The following OXR1 variants were observed in gnomAD, a reference collection of about 807,000 sequenced individuals.
OXR1 encodes the protein oxidation resistance protein 1.
A neutral mutation model predicts 104.6 loss-of-function variants in OXR1; 41 were observed. The observed-to-expected ratio is 0.39, with a 90% CI of 0.31 to 0.51. The LOEUF (loss-of-function observed/expected upper bound fraction) is 0.51. OXR1 is among the 20% of genes least tolerant of loss of function. The pLI is 0.77. For missense variants in OXR1, 955 were observed against 1,031.9 expected, an observed-to-expected ratio of 0.93 and a Z score of 1.02; for synonymous variants, 348 against 348.4, an observed-to-expected ratio of 1.00 and a Z score of 0.01.
At chr8:106,357,255 C>G (rs749363135) in intron 1 of OXR1, among the ~76,000 whole-genome samples, 1 of 151,250 alleles carries the variant, frequency 6.6e-6, no homozygotes, top group East Asian at 1.9e-4. Context: ...ACTGAACCCT[C>G]GATAAAAATG....
chr8:106,376,788 A>G (rs1309651685), intron 2 of OXR1, among the ~76,000 whole-genome samples: 1 of 152,170 alleles, frequency 6.6e-6, no homozygotes, highest in Non-Finnish European at 1.5e-5. Context: ...TCAGCTAATT[A>G]CTCAAACCAT....
chr8:106,594,237 G>T (rs1819341463), intron 3 of OXR1, among the ~76,000 whole-genome samples: 1 of 151,750 alleles, frequency 6.6e-6, no homozygotes, highest in South Asian at 2.1e-4. Context: ...TCTCTATTTT[G>T]GGAGCTGATT....
At chr8:106,396,128 G>A (rs1335136167) in intron 2 of OXR1, among the ~76,000 whole-genome samples, 1 of 151,844 alleles carries the variant, frequency 6.6e-6, no homozygotes, top group Non-Finnish European at 1.5e-5. Context: ...AATAGAGGGA[G>A]AACAGATAAA....
At chr8:106,531,780 G>T (rs183274575) in intron 3 of OXR1, among the ~76,000 whole-genome samples, 3 of 152,096 alleles carry the variant, frequency 2.0e-5, no homozygotes, top group African/African-American at 7.2e-5. Context: ...TGCTGTTTGG[G>T]GTACAAAGTT....
At chr8:106,606,927 T>G (rs1441022403) in intron 3 of OXR1, among the ~76,000 whole-genome samples, 1 of 152,200 alleles carries the variant, frequency 6.6e-6, no homozygotes, top group Non-Finnish European at 1.5e-5. Flanking sequence ...AGCCCTTCTC[T>G]GAATGGTTTT....
intron 11 of OXR1, among the ~76,000 whole-genome samples, chr8:106,728,951 C>T (rs1435004633): frequency 1.3e-5 from 2 of 152,020 alleles, no homozygotes; most frequent in Non-Finnish European, 2.9e-5. Context: ...TATATGAAAA[C>T]ACAGGAGAAA....
intron 1 of OXR1, among the ~76,000 whole-genome samples, chr8:106,326,815 T>C (rs1164367907): frequency 2.0e-5 from 3 of 152,170 alleles, no homozygotes; most frequent in Admixed American, 6.6e-5. Context: ...AGAGAGGTAG[T>C]AGGGAAGGGT....
At chr8:106,492,047 A>G (rs1368630310) in intron 2 of OXR1, among the ~76,000 whole-genome samples, 2 of 152,186 alleles carry the variant, frequency 1.3e-5, no homozygotes, top group Non-Finnish European at 1.5e-5. Context: ...TAAAATAAAT[A>G]CCTAACATTT....
chr8:106,292,493 T>C (rs1465847076), intron 1 of OXR1, among the ~76,000 whole-genome samples: 1 of 152,190 alleles, frequency 6.6e-6, no homozygotes, highest in African/African-American at 2.4e-5. Context: ...AATTTATGGA[T>C]GGAAACCATG....
At chr8:106,597,929 G>A (rs1025876199) in intron 3 of OXR1, among the ~76,000 whole-genome samples, 8 of 152,112 alleles carry the variant, frequency 5.3e-5, no homozygotes, top group Non-Finnish European at 8.8e-5. Flanking sequence ...CTTGCCTTTG[G>A]ACTTTTGCAC....
At position 106,365,431 on chromosome 8, in the gene OXR1, GAA is replaced by G. The variant is rs570644035; in HGVS notation, c.23+5806_23+5807del. 4.9e-3 allele frequency among the ~76,000 whole-genome samples: 568 copies of G among 116,158 alleles called. 2 individuals carry two copies. Among genetic ancestry groups the G allele is most frequent in the Non-Finnish European group, 8.0e-3 (426 of 52,958 alleles). The allele number at this position is 116,158 out of a possible 152,430, so 76.2% of individuals were successfully genotyped here. A position where few individuals can be genotyped will look rare whatever the true frequency, so the allele number is the denominator to read the frequency against. The stretch of plus-strand genomic sequence containing the variant: ...ATTAAGAGAAAATAACCTAGGAAGA[GAA>G]AAAAAAAAAAGAATAGAATAGCCAA... On this transcript the variant is annotated intron_variant, in intron 2 of 16. Transcript: ENST00000517566.
intron 11 of OXR1, among the ~76,000 whole-genome samples, chr8:106,736,501 C>T (rs1305937057): frequency 6.6e-6 from 1 of 152,154 alleles, no homozygotes; most frequent in East Asian, 1.9e-4. Flanking sequence ...AGCCTCTGTG[C>T]ATTTTTGATT....
At chr8:106,305,351 T>C (rs1813424709) in intron 1 of OXR1, among the ~76,000 whole-genome samples, 2 of 152,172 alleles carry the variant, frequency 1.3e-5, no homozygotes, top group South Asian at 4.1e-4. Context: ...GAAAGTACAC[T>C]TTTTCAAACT....
chr8:106,582,540 AG>A (rs1818327743), intron 3 of OXR1, among the ~76,000 whole-genome samples: 1 of 152,104 alleles, frequency 6.6e-6, no homozygotes, highest in Non-Finnish European at 1.5e-5. Context: ...GTTAAATAAA[AG>A]TAGGCAGTCT....
Position 106,392,040 on chromosome 8 carries a change from C to T in OXR1, c.23+32404C>T, listed in dbSNP as rs539078810. Among the ~76,000 whole-genome samples the T allele has an allele frequency of 1.4e-4, 22 of 152,216 alleles. No individual in the cohort carries two copies. The South Asian group carries it at 3.7e-3, about 26-fold the overall frequency. ...CAAAAGCATCATCAGAGCTGCAGGA[C>T]GTTTGAAAGAACCAGGTGATGAGCA... On this transcript the variant is annotated intron_variant, in intron 2 of 16. Transcript: ENST00000517566.
intron 11 of OXR1, among the ~76,000 whole-genome samples, chr8:106,722,311 T>C (rs1257542810): frequency 1.3e-5 from 2 of 152,144 alleles, no homozygotes; most frequent in Non-Finnish European, 2.9e-5. Flanking sequence ...ATTTCTCAGA[T>C]AAAGGGAATT....
chr8:106,603,366 C>T (rs1820117101), intron 3 of OXR1, among the ~76,000 whole-genome samples: 1 of 152,100 alleles, frequency 6.6e-6, no homozygotes. Flanking sequence ...GTTATTTTTA[C>T]ACCTTGCCTA....
intron 1 of OXR1, among the ~76,000 whole-genome samples, chr8:106,338,602 C>A (rs1187664414): frequency 1.3e-5 from 2 of 151,038 alleles, no homozygotes; most frequent in East Asian, 3.9e-4. Flanking sequence ...TTAACCAATC[C>A]ATTTTTTCCT....
chr8:106,608,946 T>G (rs1213457454), intron 3 of OXR1, among the ~76,000 whole-genome samples: 1 of 152,224 alleles, frequency 6.6e-6, no homozygotes, highest in Admixed American at 6.5e-5. Context: ...GTATTTGAAT[T>G]CTGCTACTCC....
Sources: allele counts gnomAD v4.1 joint callset (sites outside exome capture counted in the v4.1 genomes callset), GRCh38; gene constraint gnomAD v4.1.1; transcripts MANE v1.5; gene names NCBI Gene and HGNC (gene_info 2026-07-23, HGNC 2026-07-21).